Variants in GPR183 observed in about 807,000 individuals in gnomAD.
GPR183 encodes the protein EBV-induced G-protein coupled receptor 2.
GPR183 carries 9 observed loss-of-function variants against 19.7 expected under a neutral mutation model. The ratio of observed to expected loss-of-function variants is 0.46; its 90% CI spans 0.28 to 0.80. The LOEUF (loss-of-function observed/expected upper bound fraction) is 0.80, where lower values mean the gene tolerates loss of function less well. GPR183 is among the 30% of genes least tolerant of loss of function. The pLI is 0.13. For missense variants in GPR183, 368 were observed against 446.7 expected, an observed-to-expected ratio of 0.82 and a Z score of 1.59; for synonymous variants, 160 against 155.1, an observed-to-expected ratio of 1.03 and a Z score of -0.24.
At chr13:99,302,751 C>T (rs2044275045) in intron 1 of GPR183, among the ~76,000 whole-genome samples, 3 of 152,160 alleles carry the variant, frequency 2.0e-5, no homozygotes, top group Admixed American at 1.3e-4. Flanking sequence ...ATAGTCAGAG[C>T]CTCCTGGTGC....
intron 1 of GPR183, among the ~76,000 whole-genome samples, chr13:99,296,702 G>A (rs1393814786): frequency 3.3e-5 from 5 of 152,078 alleles, no homozygotes; most frequent in Admixed American, 2.6e-4. Context: ...TAACCTAAAA[G>A]TCTGAGAAAT....
chr13:99,298,963 G>A (rs552827001), intron 1 of GPR183, among the ~76,000 whole-genome samples: 1 of 151,988 alleles, frequency 6.6e-6, no homozygotes, highest in African/African-American at 2.4e-5. Context: ...AAATCTAAAT[G>A]TATATTTTTG....
intron 1 of GPR183, among the ~76,000 whole-genome samples, chr13:99,300,328 T>C (rs2044240100): frequency 6.6e-6 from 1 of 152,260 alleles, no homozygotes; most frequent in Non-Finnish European, 1.5e-5. Context: ...GGTAAATGCA[T>C]GCTTTGGATA....
At chr13:99,298,019 AG>A (rs1407596939) in intron 1 of GPR183, among the ~76,000 whole-genome samples, 6 of 152,164 alleles carry the variant, frequency 3.9e-5, no homozygotes, top group African/African-American at 1.4e-4. Flanking sequence ...AAGGTTAAAA[AG>A]AACAGTCTAC....
chr13:99,295,466 G>T lies in GPR183; in HGVS notation c.680C>A (p.Ala227Asp). ...SQICCKLFRT[A>D]KQNPLTEKSG... The stretch of plus-strand genomic sequence containing the variant: ...TTTCTCAGTGAGTGGGTTTTGTTTG[G>T]CAGTTCTGAAGAGTTTGCAGCAGAT... The change falls in exon 2 of 2, where the codon GCC becomes GAC. Residue 227 changes from alanine to aspartate, a missense_variant. Transcript: ENST00000376414. This position sits in a 1 kb window ranked among gnomAD's most constrained non-coding sequence, Gnocchi z 4.1. 6.2e-7 allele frequency: 1 copy of T among 1,613,946 alleles called. No individual in the cohort carries two copies. Among genetic ancestry groups the T allele is most frequent in the Non-Finnish European group, 8.5e-7 (1 of 1,180,004 alleles).
Position 99,295,024 on chromosome 13 carries a change from C to A in GPR183, c.*36G>T. ...GGGAAGTCCTGCAAAGTTTGTCATA[C>A]AGTTTACGTCACTATAAACCAAAAT... On this transcript the variant is annotated 3_prime_UTR_variant, in exon 2 of 2. Coordinates refer to ENST00000376414, the MANE Select transcript of GPR183 (RefSeq NM_004951.5). The surrounding 1 kb of genome is among the most constrained non-coding windows in gnomAD (Gnocchi z 4.1). The A allele has an allele frequency of 1.3e-6, 2 of 1,565,468 alleles. No individual in the cohort carries two copies. The highest frequency in any genetic ancestry group is 1.7e-6 in the Non-Finnish European group (2 of 1,157,314).
intron 1 of GPR183, among the ~76,000 whole-genome samples, chr13:99,300,075 C>T (rs1057126317): frequency 3.9e-5 from 6 of 152,216 alleles, no homozygotes; most frequent in Non-Finnish European, 7.3e-5. Flanking sequence ...ATGGCACATG[C>T]GCAACATTGC....
intron 1 of GPR183, among the ~76,000 whole-genome samples, chr13:99,304,299 TTA>T (rs1340811726): frequency 6.6e-6 from 1 of 152,210 alleles, no homozygotes; most frequent in African/African-American, 2.4e-5. Context: ...TCCTTAGCTC[TTA>T]CTTTCCTTCA....
intron 1 of GPR183, among the ~76,000 whole-genome samples, chr13:99,302,775 T>C (rs995495971): frequency 3.9e-5 from 6 of 152,290 alleles, no homozygotes; most frequent in African/African-American, 1.2e-4. Context: ...ATTAGTAAAG[T>C]CAAATTGTCC....
chr13:99,306,135 A>G (rs2044330701), intron 1 of GPR183, among the ~76,000 whole-genome samples: 1 of 152,108 alleles, frequency 6.6e-6, no homozygotes, highest in African/African-American at 2.4e-5. Context: ...ATCTCAGGTG[A>G]TCCGCCTGCC....
chr13:99,304,842 C>T (rs906918106), intron 1 of GPR183, among the ~76,000 whole-genome samples: 5 of 152,164 alleles, frequency 3.3e-5, no homozygotes, highest in Non-Finnish European at 5.9e-5. Context: ...CATTTTATCT[C>T]CTATTTCCGA....
rs73568050 is a variant in GPR183, at chr13:99,300,385, C to T, written c.-18-4222G>A. ...TGAAGGATGATTCCGCTAGCTGGCC[C>T]TAATATGTCACTTTAGTTCTTGCTT... On this transcript the variant is annotated intron_variant, in intron 1 of 1. Transcript: ENST00000376414. Among the ~76,000 whole-genome samples the T allele has an allele frequency of 1.0e-2, 1,517 of 152,310 alleles. 29 individuals carry two copies. The highest frequency in any genetic ancestry group is 0.035 in the African/African-American group (1,468 of 41,556).
chr13:99,306,792 T>C (rs1330206244), intron 1 of GPR183, among the ~76,000 whole-genome samples: 1 of 152,192 alleles, frequency 6.6e-6, no homozygotes, highest in East Asian at 1.9e-4. Flanking sequence ...AAAGCAAAGA[T>C]TGGTACTCTT....
intron 1 of GPR183, among the ~76,000 whole-genome samples, chr13:99,297,749 A>G (rs1402971117): frequency 6.6e-6 from 1 of 152,124 alleles, no homozygotes; most frequent in East Asian, 1.9e-4. Flanking sequence ...GGGATGTGTC[A>G]CAACAAACTT....
At chr13:99,299,260 C>T (rs1359084130) in intron 1 of GPR183, among the ~76,000 whole-genome samples, 1 of 152,088 alleles carries the variant, frequency 6.6e-6, no homozygotes, top group Non-Finnish European at 1.5e-5. Flanking sequence ...GTTCAAATAT[C>T]CTTCATTAGG....
chr13:99,297,357 A>G (rs2044192177), intron 1 of GPR183, among the ~76,000 whole-genome samples: 1 of 152,144 alleles, frequency 6.6e-6, no homozygotes, highest in South Asian at 2.1e-4. Context: ...CTTTCAGCAT[A>G]TCTAGTGATG....
chr13:99,299,028 A>C (rs1208039450), intron 1 of GPR183, among the ~76,000 whole-genome samples: 1 of 152,204 alleles, frequency 6.6e-6, no homozygotes, highest in Non-Finnish European at 1.5e-5. Flanking sequence ...GCAGGAAAAA[A>C]ATACTTCACT....
chr13:99,302,446 T>C (rs1326885518), intron 1 of GPR183, among the ~76,000 whole-genome samples: 3 of 152,216 alleles, frequency 2.0e-5, no homozygotes, highest in Admixed American at 1.3e-4. Flanking sequence ...ACAAACCTGC[T>C]CCAGGGAAGA....
chr13:99,305,233 G>C (rs550488087), intron 1 of GPR183, among the ~76,000 whole-genome samples: 1 of 152,032 alleles, frequency 6.6e-6, no homozygotes, highest in South Asian at 2.1e-4. Context: ...TCTTCTCTTT[G>C]GGCTTCCAAA....
Sources: gnomAD v4.1 joint callset for allele counts (sites outside exome capture counted in the v4.1 genomes callset) on GRCh38, gnomAD v4.1.1 for gene constraint, Gnocchi (gnomAD v3.1) non-coding constraint, MANE v1.5 for transcripts, NCBI Gene and HGNC (gene_info 2026-07-23, HGNC 2026-07-21) for gene names.